Variants in PCDH7 observed in about 807,000 individuals in gnomAD.
PCDH7 encodes protocadherin-7.
A neutral mutation model predicts 58.9 loss-of-function variants in PCDH7; 17 were observed. The observed-to-expected ratio is 0.29, with a 90% CI of 0.20 to 0.43. PCDH7 has a LOEUF of 0.43. Ranked by LOEUF, PCDH7 falls within the 20% of genes least tolerant of loss-of-function variation. The pLI, the probability that PCDH7 is intolerant of heterozygous loss-of-function variation, is 1.00. For synonymous variants in PCDH7, 664 were observed against 616.4 expected, an observed-to-expected ratio of 1.08 and a Z score of -1.14; for missense variants, 1,274 against 1,441.0, an observed-to-expected ratio of 0.88 and a Z score of 1.88.
chr4:31,063,331 C>A (rs78284138), intron 3 of PCDH7, among the ~76,000 whole-genome samples: 1 of 151,756 alleles, frequency 6.6e-6, no homozygotes, highest in African/African-American at 2.4e-5. Flanking sequence ...CTAATGCCGA[C>A]AAATTTTTCT....
intron 1 of PCDH7, among the ~76,000 whole-genome samples, chr4:30,876,596 T>C (rs1736321042): frequency 6.6e-6 from 1 of 152,050 alleles, no homozygotes; most frequent in African/African-American, 2.4e-5. Flanking sequence ...TTAAGACTTT[T>C]AGTTTAAAAA....
intron 3 of PCDH7, among the ~76,000 whole-genome samples, chr4:30,986,298 C>T (rs551838263): frequency 5.3e-5 from 8 of 151,996 alleles, no homozygotes; most frequent in African/African-American, 1.9e-4. Context: ...CCTTTCTTCC[C>T]AAGAGGTCAT....
At chr4:31,058,104 G>A (rs977996314) in intron 3 of PCDH7, among the ~76,000 whole-genome samples, 5 of 152,034 alleles carry the variant, frequency 3.3e-5, no homozygotes, top group Non-Finnish European at 5.9e-5. Context: ...TTATTTAGAA[G>A]CAGTAGAGAA....
At chr4:30,734,958 T>C (rs1716041890), downstream of PCDH7, among the ~76,000 whole-genome samples, 1 of 152,082 alleles carries the variant, frequency 6.6e-6, no homozygotes, top group Non-Finnish European at 1.5e-5. Context: ...GCCTTCCTTG[T>C]GTGGTGTGTG....
intron 2 of PCDH7, among the ~76,000 whole-genome samples, chr4:30,934,054 C>A (rs1745022964): frequency 6.6e-6 from 1 of 152,208 alleles, no homozygotes; most frequent in South Asian, 2.1e-4. Flanking sequence ...TGTATTCAGC[C>A]TTCACTAGCT....
At chr4:31,003,449 T>C (rs978638655) in intron 3 of PCDH7, among the ~76,000 whole-genome samples, 1 of 152,128 alleles carries the variant, frequency 6.6e-6, no homozygotes, top group Non-Finnish European at 1.5e-5. Context: ...TTCAATTCCT[T>C]ATCCGAAGTT....
downstream of PCDH7, among the ~76,000 whole-genome samples, chr4:30,737,604 T>G (rs528087016): frequency 3.7e-3 from 557 of 152,302 alleles, 5 homozygotes; most frequent in South Asian, 0.015. Flanking sequence ...TAGCTTCTTA[T>G]CCTAGTCACT....
intron 1 of PCDH7, among the ~76,000 whole-genome samples, chr4:30,770,862 A>G (rs9999290): frequency 0.55 from 83,874 of 152,002 alleles, 24,134 homozygotes; most frequent in African/African-American, 0.72. Flanking sequence ...AAAAACAACC[A>G]TATACACTAT....
intron 1 of PCDH7, among the ~76,000 whole-genome samples, chr4:30,782,338 T>A (rs1390809126): frequency 6.6e-6 from 1 of 152,186 alleles, no homozygotes; most frequent in Non-Finnish European, 1.5e-5. Flanking sequence ...GGGGAACCTA[T>A]TTGATTTGAG....
At chr4:30,885,728 A>T (rs1234193950) in intron 1 of PCDH7, among the ~76,000 whole-genome samples, 4 of 152,168 alleles carry the variant, frequency 2.6e-5, no homozygotes, top group Non-Finnish European at 4.4e-5. Context: ...ACTATACTAC[A>T]AGGCTACAGT....
chr4:30,741,254 G>GT lies in PCDH7; in HGVS notation c.70+16668dup, dbSNP rs774299106. On this transcript the variant is annotated intron_variant, in intron 1 of 3. Transcript: ENST00000509759. ...AGTTTTGTTTACTCAACAGTAGATGGTTTTTTTTTTAGAGCCGAGTGTGTC... is the reference window on the plus strand; with the variant it reads ...AGTTTTGTTTACTCAACAGTAGATGGTTTTTTTTTTTAGAGCCGAGTGTGTC... 3.3e-3 allele frequency among the ~76,000 whole-genome samples: 487 copies of GT among 145,736 alleles called. 3 individuals carry two copies. Among genetic ancestry groups the GT allele is most frequent in the African/African-American group, 0.011 (420 of 39,868 alleles).
chr4:30,887,710 C>T (rs888614159), intron 1 of PCDH7, among the ~76,000 whole-genome samples: 1 of 152,002 alleles, frequency 6.6e-6, no homozygotes, highest in Admixed American at 6.6e-5. Context: ...CATGCAAATT[C>T]AGTTTTACGT....
rs555938250 is a variant in PCDH7, at chr4:30,813,840, C to G, written c.70+89244C>G. 3.9e-5 allele frequency among the ~76,000 whole-genome samples: 6 copies of G among 152,214 alleles called. No individual in the cohort carries two copies. In the East Asian group the frequency reaches 1.2e-3, roughly 29 times the overall value. ...CATTTTTAGTAGAGATGCGGTTTGA[C>G]CATGTTGGCCAGGCTGGTCTCGAAC... is the stretch of plus-strand genomic sequence containing the variant. On this transcript the variant is annotated intron_variant, in intron 1 of 3. Coordinates refer to the PCDH7 transcript ENST00000509759.
intron 1 of PCDH7, among the ~76,000 whole-genome samples, chr4:30,773,052 C>T (rs923036687): frequency 1.3e-5 from 2 of 152,154 alleles, no homozygotes; most frequent in Non-Finnish European, 2.9e-5. Flanking sequence ...CAGGCATGTG[C>T]CACCACACAA....
At position 30,723,157 on chromosome 4, in the gene PCDH7, A is replaced by G. The variant is rs746270504; in HGVS notation, c.1735A>G (p.Met579Val). ...CGCCTACTCGCTGGACTCCTCTGTG[A>G]TGGGGATCTTTGCCATCGATCCCGA... The change falls in exon 1 of 2, where the codon ATG becomes GTG. Residue 579 changes from methionine to valine, a missense_variant. Coordinates refer to ENST00000361762, the Ensembl canonical transcript of PCDH7. This position sits in a 1 kb window ranked among gnomAD's most constrained non-coding sequence, Gnocchi z 4.6. The G allele has an allele frequency of 2.5e-6, 4 of 1,614,096 alleles. No homozygotes were observed. The highest frequency in any genetic ancestry group is 3.4e-6 in the Non-Finnish European group (4 of 1,180,036).
chr4:30,782,349 C>A (rs1443187710), intron 1 of PCDH7, among the ~76,000 whole-genome samples: 2 of 152,094 alleles, frequency 1.3e-5, no homozygotes, highest in Admixed American at 6.6e-5. Context: ...TTGATTTGAG[C>A]CCTAATTCTA....
At chr4:30,800,558 G>A (rs371252159) in intron 1 of PCDH7, among the ~76,000 whole-genome samples, 11 of 152,170 alleles carry the variant, frequency 7.2e-5, no homozygotes, top group South Asian at 2.1e-4. Flanking sequence ...AGAGTTAGAT[G>A]TGTTGGAAGT....
At chr4:30,728,571 C>T (rs1714988121) in intron 1 of PCDH7, among the ~76,000 whole-genome samples, 1 of 151,682 alleles carries the variant, frequency 6.6e-6, no homozygotes, top group Non-Finnish European at 1.5e-5. Flanking sequence ...GCAACACTAT[C>T]TGGATCTCTG....
chr4:30,884,689 G>C (rs946522639), intron 1 of PCDH7: 2 of 152,226 alleles, frequency 1.3e-5, no homozygotes, highest in East Asian at 3.9e-4. Context: ...TGAGAATGGA[G>C]AATACAAGGG....
Sources: gnomAD v4.1 joint callset for allele counts (sites outside exome capture counted in the v4.1 genomes callset) on GRCh38, gnomAD v4.1.1 for gene constraint, Gnocchi (gnomAD v3.1) non-coding constraint, MANE v1.5 for transcripts, NCBI Gene and HGNC (gene_info 2026-07-23, HGNC 2026-07-21) for gene names.